The following PANX1 variants were observed in gnomAD, a reference collection of about 807,000 sequenced individuals.
PANX1 encodes the protein pannexin-1.
PANX1 carries 30 observed loss-of-function variants against 38.7 expected under a neutral mutation model. The observed-to-expected ratio is 0.78, with a 90% CI of 0.58 to 1.05. The LOEUF (loss-of-function observed/expected upper bound fraction) is 1.05, where lower values mean the gene tolerates loss of function less well. PANX1 is among the 50% of genes least tolerant of loss of function. The pLI is 0.00. For missense variants in PANX1, 551 were observed against 517.2 expected (o/e 1.07, Z -0.63); for synonymous variants, 230 against 212.2 (o/e 1.08, Z -0.73).
intron 1 of PANX1, among the ~76,000 whole-genome samples, chr11:94,148,499 G>T (rs1349385542): frequency 1.3e-5 from 2 of 152,134 alleles, no homozygotes; most frequent in African/African-American, 4.8e-5. Context: ...TGTTTTCAGA[G>T]CTGACCACTG....
In PANX1 at chr11:94,179,888, G is replaced by A; in HGVS notation, c.832G>A (p.Val278Ile). The A allele has an allele frequency of 6.2e-7, 1 of 1,614,038 alleles. No individual in the cohort carries two copies. Among genetic ancestry groups the A allele is most frequent in the East Asian group, 2.2e-5 (1 of 44,866 alleles). Residue 278 changes from valine to isoleucine, a missense_variant, in exon 4 of 5, where the codon GTC (valine) becomes ATC (isoleucine). Coordinates refer to ENST00000227638, the MANE Select transcript of PANX1 (RefSeq NM_015368.4). ...IAVGIFQLLS[V>I]INLVVYVLLA... is the part of the protein sequence containing the mutation. ...CGTGGGCATCTTCCAGTTGCTCAGT[G>A]TCATTAACCTTGTGGTTTATGTCCT...
At chr11:94,153,176 C>CT (rs748107259) in intron 1 of PANX1, among the ~76,000 whole-genome samples, 63 of 152,206 alleles carry the variant, frequency 4.1e-4, no homozygotes, top group Non-Finnish European at 6.9e-4. Flanking sequence ...TAAACCAGGT[C>CT]TCTCCACGCT....
chr11:94,177,914 T>TA (rs2060825808), intron 2 of PANX1, among the ~76,000 whole-genome samples: 1 of 151,892 alleles, frequency 6.6e-6, no homozygotes, highest in South Asian at 2.1e-4. Flanking sequence ...TGGGGGAAGT[T>TA]ACATGTTTCT....
At chr11:94,137,456 A>G (rs560117979) in intron 1 of PANX1, among the ~76,000 whole-genome samples, 1 of 152,226 alleles carries the variant, frequency 6.6e-6, no homozygotes, top group African/African-American at 2.4e-5. Context: ...TCAAACCCCT[A>G]ACTGAGGCAG....
At position 94,153,580 on chromosome 11, in the gene PANX1, A is replaced by C; in HGVS notation, c.271A>C (p.Lys91Gln). Residue 91 changes from lysine (K) to glutamine (Q), a missense_variant, in exon 2 of 5, where the codon AAG (lysine) becomes CAG (glutamine). Transcript: ENST00000227638. ...DSYCWAAVQQ[K>Q]NSLQSESGNL... ...ATATTGCTGGGCGGCTGTTCAGCAGAAGAACTCACTGCAGAGCGAGTCTGG... is the reference window on the plus strand; with the variant it reads ...ATATTGCTGGGCGGCTGTTCAGCAGCAGAACTCACTGCAGAGCGAGTCTGG... 1.2e-6 allele frequency: 2 copies of C among 1,613,960 alleles called. No homozygotes were observed. Among genetic ancestry groups the C allele is most frequent in the Non-Finnish European group, 1.7e-6 (2 of 1,179,872 alleles).
At chr11:94,135,317 A>G (rs1946675732) in intron 1 of PANX1, among the ~76,000 whole-genome samples, 1 of 152,252 alleles carries the variant, frequency 6.6e-6, no homozygotes, top group African/African-American at 2.4e-5. Context: ...GGCCAGCCCC[A>G]GTGAGTCAAA....
Position 94,129,246 on chromosome 11 carries a change from G to A in PANX1, c.-67G>A. On this transcript the variant is annotated 5_prime_UTR_variant, in exon 1 of 5. Transcript: ENST00000227638. ...GCGCCCGGCCGGTGACTGGGTGAAG[G>A]CGCCGCGCAGCTTTCCCGACGCCGG... 1 of 1,418,888 alleles carries A rather than the reference G, an allele frequency of 7.0e-7. No individual in the cohort carries two copies. The highest frequency in any genetic ancestry group is 9.6e-7 in the Non-Finnish European group (1 of 1,037,348). The allele number at this position is 1,418,888 out of a possible 1,614,324, so 87.9% of individuals were successfully genotyped here.
intron 2 of PANX1, among the ~76,000 whole-genome samples, chr11:94,156,412 AG>A (rs1243102002): frequency 6.6e-6 from 1 of 152,214 alleles, no homozygotes; most frequent in Non-Finnish European, 1.5e-5. Context: ...CAGATTCACA[AG>A]GCTGGGGACA....
At chr11:94,154,601 G>A (rs1056180305) in intron 2 of PANX1, among the ~76,000 whole-genome samples, 1 of 152,154 alleles carries the variant, frequency 6.6e-6, no homozygotes, top group South Asian at 2.1e-4. Flanking sequence ...CACACCATCA[G>A]CATCCTTCTT....
chr11:94,169,251 A>T (rs1947136918), intron 2 of PANX1, among the ~76,000 whole-genome samples: 2 of 151,574 alleles, frequency 1.3e-5, no homozygotes, highest in Admixed American at 1.3e-4. Flanking sequence ...GTGGGGTAGG[A>T]CCAGTCAACA....
At chr11:94,133,618 C>T (rs1946655578) in intron 1 of PANX1, among the ~76,000 whole-genome samples, 1 of 152,148 alleles carries the variant, frequency 6.6e-6, no homozygotes, top group South Asian at 2.1e-4. Flanking sequence ...CCTGATACTT[C>T]TAGTCAGCCT....
At chr11:94,154,029 A>C (rs951280983) in intron 2 of PANX1, among the ~76,000 whole-genome samples, 5 of 152,214 alleles carry the variant, frequency 3.3e-5, no homozygotes, top group Non-Finnish European at 5.9e-5. Context: ...TTTCTACCAC[A>C]CACAGGGTCT....
At position 94,136,634 on chromosome 11, in the gene PANX1, G is replaced by A. The variant is rs545557887; in HGVS notation, c.181+7141G>A. Among the ~76,000 whole-genome samples the A allele has an allele frequency of 3.6e-4, 54 of 152,082 alleles. No homozygotes were observed. The East Asian group carries it at 7.0e-3, about 20-fold the overall frequency. Reference sequence around the variant, plus strand: ...ATACAAAAAATTAGCCAGGTGTGGTGGCGGGCGCCTGTAGTCCCAGCTACT... The same window carrying A: ...ATACAAAAAATTAGCCAGGTGTGGTAGCGGGCGCCTGTAGTCCCAGCTACT... On this transcript the variant is annotated intron_variant, in intron 1 of 4. Transcript: ENST00000227638.
intron 2 of PANX1, among the ~76,000 whole-genome samples, chr11:94,175,402 A>G (rs991185929): frequency 3.3e-5 from 5 of 151,772 alleles, no homozygotes; most frequent in Admixed American, 3.3e-4. Flanking sequence ...TCTAATTACA[A>G]TGAGCTGTGC....
chr11:94,180,359 A>C (rs1947291766), intron 4 of PANX1, 102 bp downstream of exon 4: 1 of 1,024,322 alleles, frequency 9.8e-7, no homozygotes, highest in South Asian at 1.7e-5. Context: ...CATTTAAACC[A>C]TTTCCAAGCA....
chr11:94,155,546 T>C (rs1321380163), intron 2 of PANX1, among the ~76,000 whole-genome samples: 1 of 151,948 alleles, frequency 6.6e-6, no homozygotes, highest in East Asian at 1.9e-4. Context: ...ATAAAAGTAA[T>C]GGCAAAACGC....
At chr11:94,169,097 T>C (rs187281353) in intron 2 of PANX1, among the ~76,000 whole-genome samples, 2 of 151,532 alleles carry the variant, frequency 1.3e-5, no homozygotes, top group Non-Finnish European at 2.9e-5. Flanking sequence ...ATCTGGAGAT[T>C]GCAGGCTAGA....
rs1947279690 is a variant in PANX1 at position 94,179,648 on chromosome 11, C to A, written c.592C>A (p.Gln198Lys). ...CCACTTCAAGTACCCAATTGTGGAG[C>A]AGTACTTGAAGACAAAGAAAAATTC... ...ESHFKYPIVE[Q>K]YLKTKKNSNN... The change falls in exon 4 of 5, where the codon CAG becomes AAG. Residue 198 changes from glutamine to lysine, a missense_variant. Coordinates refer to ENST00000227638, the MANE Select transcript of PANX1 (RefSeq NM_015368.4). The A allele has an allele frequency of 1.2e-6, 2 of 1,613,122 alleles. No individual in the cohort carries two copies. Among genetic ancestry groups the A allele is most frequent in the Non-Finnish European group, 1.7e-6 (2 of 1,179,466 alleles).
At position 94,129,289 on chromosome 11, in the gene PANX1, G is replaced by T. The variant is rs370158352; in HGVS notation, c.-24G>T. 1 of 1,589,726 alleles carries T rather than the reference G, an allele frequency of 6.3e-7. No homozygotes were observed. On this transcript the variant is annotated 5_prime_UTR_variant, in exon 1 of 5. Coordinates refer to ENST00000227638, the MANE Select transcript of PANX1 (RefSeq NM_015368.4). ...GACGCCGGCTGTACCCGGACCTCCT[G>T]GTCGAGCCTGGCGCGCCGCAGCCAT...
Sources: gnomAD v4.1 joint callset for allele counts (sites outside exome capture counted in the v4.1 genomes callset) on GRCh38, gnomAD v4.1.1 for gene constraint, MANE v1.5 for transcripts, NCBI Gene and HGNC (gene_info 2026-07-23, HGNC 2026-07-21) for gene names.